Variants in POLN observed in about 807,000 individuals in gnomAD.
The protein encoded by POLN is DNA polymerase N.
In POLN, 108 loss-of-function variants were observed where a neutral mutation model predicts 113.5. The observed-to-expected ratio is 0.95, with a 90% confidence interval of 0.81 to 1.12. The LOEUF is 1.12. Among genes scored for constraint, POLN ranks in the 50% most tolerant of loss-of-function variants. POLN has a pLI of 0.00. For missense variants in POLN, 1,097 were observed against 1,077.1 expected (o/e 1.02, Z -0.26); for synonymous variants, 386 against 391.5 (o/e 0.99, Z 0.17).
At chr4:2,084,948 C>A (rs1001564385) in intron 21 of POLN, among the ~76,000 whole-genome samples, 5 of 152,244 alleles carry the variant, frequency 3.3e-5, no homozygotes, top group Admixed American at 3.3e-4. Flanking sequence ...GAACACAACT[C>A]ATTTATGCCC....
chr4:2,197,765 G>C (rs956862386), intron 6 of POLN, among the ~76,000 whole-genome samples: 1 of 152,224 alleles, frequency 6.6e-6, no homozygotes, highest in African/African-American at 2.4e-5. Context: ...CCAGAGCCCA[G>C]TGAGCCTGTA....
chr4:2,200,019 A>T (rs1465903404), intron 5 of POLN, among the ~76,000 whole-genome samples: 1 of 152,254 alleles, frequency 6.6e-6, no homozygotes, highest in African/African-American at 2.4e-5. Flanking sequence ...TTCCTACAGG[A>T]AATTAAAGTT....
Position 2,088,658 on chromosome 4 carries a change from A to G in POLN, c.2066-2914T>C, listed in dbSNP as rs1577684135. 6.8e-6 allele frequency: 5 copies of G among 740,650 alleles called. No individual in the cohort carries two copies. The East Asian group carries it at 1.6e-4, about 23-fold the overall frequency. 45.9% of individuals were successfully genotyped at this position (740,650 alleles called of 1,614,324 possible). ...CCATAATATAAAGTGATCCTCTAAGACTTTAATTAAAAATAAAAAGCTGTA... is the reference window on the plus strand; with the variant it reads ...CCATAATATAAAGTGATCCTCTAAGGCTTTAATTAAAAATAAAAAGCTGTA... On this transcript the variant is annotated intron_variant, in intron 20 of 25. Transcript: ENST00000511885.
At chr4:2,235,774 C>G (rs1055411992) in intron 2 of POLN, among the ~76,000 whole-genome samples, 1 of 151,734 alleles carries the variant, frequency 6.6e-6, no homozygotes, top group Non-Finnish European at 1.5e-5. Flanking sequence ...TATGTGTGTG[C>G]GTAATAAAAC....
chr4:2,101,559 T>G (rs923821106), intron 19 of POLN, among the ~76,000 whole-genome samples: 19 of 152,224 alleles, frequency 1.2e-4, no homozygotes, highest in Admixed American at 6.5e-4. Context: ...GAGAGCACCT[T>G]AACCCTCCCC....
At chr4:2,229,802 A>T (rs1734514260) in intron 2 of POLN, 1 of 152,202 alleles carries the variant, frequency 6.6e-6, no homozygotes, top group Non-Finnish European at 1.5e-5. Flanking sequence ...CAGCCTGGGC[A>T]ACAAGAGTGA....
At chr4:2,223,442 A>G (rs1734311158) in intron 3 of POLN, among the ~76,000 whole-genome samples, 2 of 152,180 alleles carry the variant, frequency 1.3e-5, no homozygotes, top group South Asian at 4.1e-4. Flanking sequence ...ATAGGTTGCG[A>G]GCTCCTTATG....
intron 2 of POLN, among the ~76,000 whole-genome samples, chr4:2,232,364 A>C (rs976497890): frequency 6.6e-6 from 1 of 152,202 alleles, no homozygotes; most frequent in African/African-American, 2.4e-5. Flanking sequence ...CTGATAGATA[A>C]TTTTAAGTGA....
chr4:2,085,793 A>T (rs1483767589), intron 20 of POLN, 49 bp from the exon 21 acceptor site: 2 of 1,607,648 alleles, frequency 1.2e-6, no homozygotes, highest in Non-Finnish European at 8.5e-7. Context: ...ACCAGCCGTG[A>T]CTGTGTGCAT....
chr4:2,187,898 G>T (rs1188479128), intron 7 of POLN, among the ~76,000 whole-genome samples: 1 of 152,040 alleles, frequency 6.6e-6, no homozygotes, highest in African/African-American at 2.4e-5. Flanking sequence ...ATTGCTTCAG[G>T]CTAGGAGTTC....
chr4:2,237,451 G>A (rs1259970041), intron 2 of POLN, among the ~76,000 whole-genome samples: 1 of 151,662 alleles, frequency 6.6e-6, no homozygotes, highest in East Asian at 1.9e-4. Flanking sequence ...GAAAGAAAGG[G>A]AAGGAAAGGA....
chr4:2,151,360 T>C (rs1312331530), intron 16 of POLN, among the ~76,000 whole-genome samples: 1 of 152,126 alleles, frequency 6.6e-6, no homozygotes. Flanking sequence ...ACACTGCTGG[T>C]AGGAATGTCA....
intron 7 of POLN, among the ~76,000 whole-genome samples, chr4:2,185,538 G>A (rs1733249709): frequency 6.6e-6 from 1 of 152,216 alleles, no homozygotes; most frequent in Non-Finnish European, 1.5e-5. Context: ...TTGAGGTCAG[G>A]AGTTCGAGAC....
chr4:2,229,250 G>A lies in POLN; in HGVS notation c.-12-7C>T. ...TTTCCATTTTCACAAAATCCTAAAT[G>A]TAAGATTAACATAAGATAAATCCCA... On this transcript the variant is annotated splice_polypyrimidine_tract_variant and splice_region_variant and intron_variant, in intron 2 of 25. Coordinates refer to ENST00000511885, the MANE Select transcript of POLN (RefSeq NM_181808.4). 2 of 1,578,680 alleles carry A rather than the reference G, an allele frequency of 1.3e-6. No homozygotes were observed. Among genetic ancestry groups the A allele is most frequent in the Non-Finnish European group, 1.7e-6 (2 of 1,159,852 alleles).
chr4:2,225,799 G>A (rs1734370913), intron 3 of POLN, among the ~76,000 whole-genome samples: 1 of 151,864 alleles, frequency 6.6e-6, no homozygotes, highest in Admixed American at 6.6e-5. Flanking sequence ...CCAGGAGTTT[G>A]AGACCAGCCT....
rs765845631 is a variant in POLN, at chr4:2,240,662, A to C, written c.-13+858T>G. 5.6e-6 allele frequency: 9 copies of C among 1,613,782 alleles called. No individual in the cohort carries two copies. In the East Asian group the frequency reaches 2.0e-4, roughly 36 times the overall value. Reference sequence around the variant, plus strand: ...CCTCTAATTTCTCCAGCTCTTTATCATCCAGTCTAGGTGTCTTCAAATCAG... The same window carrying C: ...CCTCTAATTTCTCCAGCTCTTTATCCTCCAGTCTAGGTGTCTTCAAATCAG... On this transcript the variant is annotated intron_variant, in intron 2 of 25. Coordinates refer to ENST00000511885, the MANE Select transcript of POLN (RefSeq NM_181808.4).
chr4:2,139,057 G>A (rs916039755), intron 16 of POLN, among the ~76,000 whole-genome samples: 8 of 152,112 alleles, frequency 5.3e-5, no homozygotes, highest in Admixed American at 3.3e-4. Context: ...AGTGGACTCC[G>A]AGGAGCAAGG....
At chr4:2,131,729 C>T (rs1731732461) in intron 16 of POLN, among the ~76,000 whole-genome samples, 1 of 152,200 alleles carries the variant, frequency 6.6e-6, no homozygotes, top group South Asian at 2.1e-4. Context: ...GCTCCTGGCA[C>T]TTCGTACCTG....
At chr4:2,082,705 T>G (rs1355816601) in intron 21 of POLN, 1 of 152,192 alleles carries the variant, frequency 6.6e-6, no homozygotes, top group Admixed American at 6.5e-5. Flanking sequence ...TATACAAGAT[T>G]CTTAAGAAGG....
Sources: gnomAD v4.1 joint callset for allele counts (sites outside exome capture counted in the v4.1 genomes callset) on GRCh38, gnomAD v4.1.1 for gene constraint, MANE v1.5 for transcripts, NCBI Gene and HGNC (gene_info 2026-07-23, HGNC 2026-07-21) for gene names.